Variants in LRP2 observed in about 807,000 individuals in gnomAD.
LRP2 encodes LDL receptor related protein 2.
LRP2 carries 172 observed loss-of-function variants against 531.0 expected under a neutral mutation model. The observed-to-expected ratio is 0.32, with a 90% CI of 0.29 to 0.37. The LOEUF is 0.37. Among genes scored for constraint, LRP2 ranks in the 10% least tolerant of loss-of-function variants. The pLI is 1.00. For missense variants in LRP2, 5,167 were observed against 5,868.3 expected (o/e 0.88, Z 3.90); for synonymous variants, 1,992 against 2,027.6 (o/e 0.98, Z 0.47).
intron 15 of LRP2, among the ~76,000 whole-genome samples, chr2:169,272,597 A>T (rs915487915): frequency 6.6e-6 from 1 of 152,154 alleles, no homozygotes; most frequent in African/African-American, 2.4e-5. Flanking sequence ...AAAGAGCTCA[A>T]AGTTCAACCA....
chr2:169,286,186 T>A (rs758707699), intron 9 of LRP2, among the ~76,000 whole-genome samples: 3 of 152,188 alleles, frequency 2.0e-5, no homozygotes, highest in Non-Finnish European at 4.4e-5. Context: ...CAGAGGCAAA[T>A]GACACATTCT....
chr2:169,216,280 G>T lies in LRP2; in HGVS notation c.5799C>A (p.Leu1933=). 6 of 1,613,574 alleles carry T rather than the reference G, an allele frequency of 3.7e-6. No homozygotes were observed. Among genetic ancestry groups the T allele is most frequent in the Non-Finnish European group, 4.2e-6 (5 of 1,179,622 alleles). ...CVTLDIEEQK[L]YWAVTGRGVI... ...CTCCTCTTCCAGTGACTGCCCAGTA[G>T]AGTTTCTGCTCTTCGATGTCAAGAG... The change falls in exon 35 of 79, where the codon CTC becomes CTA. Residue 1933 remains leucine (L), a synonymous_variant. Coordinates refer to ENST00000649046, the MANE Select transcript of LRP2 (RefSeq NM_004525.3).
In LRP2 at chr2:169,273,407, T is replaced by C. The variant is rs139744684; in HGVS notation, c.1976-340A>G. ...AGAAAACCCACACTTCACTGCTTTT[T>C]TGCCATTTGTAGGATATAATAAATA... On this transcript the variant is annotated intron_variant, in intron 14 of 78. Transcript: ENST00000649046. 2.0e-5 allele frequency among the ~76,000 whole-genome samples: 3 copies of C among 152,296 alleles called. No individual in the cohort carries two copies. In the East Asian group the frequency reaches 5.8e-4, roughly 29 times the overall value.
intron 73 of LRP2, 36 bp from the exon 74 acceptor site, chr2:169,139,407 T>C (rs764052062): frequency 1.1e-5 from 17 of 1,613,940 alleles, no homozygotes; most frequent in Non-Finnish European, 1.4e-5. Context: ...CATCAACACA[T>C]GGGAGCCCGC....
chr2:169,234,646 G>A (rs1043348625), intron 29 of LRP2, among the ~76,000 whole-genome samples: 4 of 152,084 alleles, frequency 2.6e-5, no homozygotes, highest in Non-Finnish European at 5.9e-5. Context: ...ACCCAGTAAT[G>A]GGATTGCTGG....
chr2:169,147,106 G>A, intron 68 of LRP2, 147 bp from the exon 69 acceptor site: 3 of 694,078 alleles, frequency 4.3e-6, no homozygotes, highest in Admixed American at 4.5e-5. Flanking sequence ...TTTTACAGAA[G>A]ATGGGGAGCA....
In LRP2 at chr2:169,337,511, GTGCAA is replaced by G. The variant is rs201559663; in HGVS notation, c.80-16632_80-16628del. Reference sequence around the variant, plus strand: ...AGAATTTGGTGACATCTCTGGATCAGTGCAATGTATTTTAGATTAATCTGGACTGA... The same window carrying G: ...AGAATTTGGTGACATCTCTGGATCAGTGTATTTTAGATTAATCTGGACTGA... On this transcript the variant is annotated intron_variant, in intron 1 of 78. Coordinates refer to ENST00000649046, the MANE Select transcript of LRP2 (RefSeq NM_004525.3). 7.0e-3 allele frequency among the ~76,000 whole-genome samples: 1,063 copies of G among 152,278 alleles called. 8 individuals are homozygous for G. Among genetic ancestry groups the G allele is most frequent in the African/African-American group, 0.024 (1,008 of 41,550 alleles).
Position 169,204,290 on chromosome 2 carries a change from A to T in LRP2, c.7716-19T>A. Reference sequence around the variant, plus strand: ...CCTCTGCCTAAAATGAAGCAAAAAAAAATTTAGAAGTTGAAATCTCAAGTG... The same window carrying T: ...CCTCTGCCTAAAATGAAGCAAAAAATAATTTAGAAGTTGAAATCTCAAGTG... On this transcript the variant is annotated intron_variant, in intron 41 of 78. Transcript: ENST00000649046. 1 of 1,607,780 alleles carries T rather than the reference A, an allele frequency of 6.2e-7. No individual in the cohort carries two copies. Among genetic ancestry groups the T allele is most frequent in the Non-Finnish European group, 8.5e-7 (1 of 1,179,800 alleles).
At chr2:169,279,975 G>A (rs1043465825) in intron 11 of LRP2, among the ~76,000 whole-genome samples, 8 of 152,166 alleles carry the variant, frequency 5.3e-5, no homozygotes, top group Middle Eastern at 3.2e-3. Flanking sequence ...TTTAGAAGAT[G>A]CAGGTAAAAA....
intron 34 of LRP2, among the ~76,000 whole-genome samples, chr2:169,219,537 A>G (rs1688913142): frequency 6.6e-6 from 1 of 152,128 alleles, no homozygotes; most frequent in Non-Finnish European, 1.5e-5. Context: ...ATTTTTCTAA[A>G]ACACAAATTT....
At chr2:169,235,731 G>A in intron 29 of LRP2, 109 bp downstream of exon 29, 3 of 822,008 alleles carry the variant, frequency 3.6e-6, no homozygotes, top group Non-Finnish European at 6.1e-6. Flanking sequence ...GGATTGATCT[G>A]ACAATGTCTA....
intron 1 of LRP2, among the ~76,000 whole-genome samples, chr2:169,358,009 G>T (rs1686038073): frequency 6.6e-6 from 1 of 152,202 alleles, no homozygotes; most frequent in Non-Finnish European, 1.5e-5. Flanking sequence ...CATGGCATCA[G>T]TTCTGGACCA....
intron 16 of LRP2, among the ~76,000 whole-genome samples, chr2:169,261,776 G>A (rs937169233): frequency 6.6e-6 from 1 of 152,012 alleles, no homozygotes; most frequent in African/African-American, 2.4e-5. Flanking sequence ...CCAAAGCCAG[G>A]CAGAGACACA....
At chr2:169,306,182 T>A (rs2105490390) in intron 4 of LRP2, among the ~76,000 whole-genome samples, 1 of 151,908 alleles carries the variant, frequency 6.6e-6, no homozygotes, top group African/African-American at 2.4e-5. Flanking sequence ...ATATATATAT[T>A]AAAAACTCAA....
At chr2:169,349,781 G>T (rs764925480) in intron 1 of LRP2, among the ~76,000 whole-genome samples, 12 of 152,174 alleles carry the variant, frequency 7.9e-5, no homozygotes, top group Non-Finnish European at 1.6e-4. Flanking sequence ...ACCAACAGCT[G>T]CCAGAGTTCA....
intron 17 of LRP2, among the ~76,000 whole-genome samples, 183 bp downstream of exon 17, chr2:169,258,841 AT>A (rs770436095): frequency 7.9e-5 from 12 of 151,886 alleles, no homozygotes; most frequent in Non-Finnish European, 1.8e-4. Context: ...TTTAAAAACA[AT>A]TTTTTTTACT....
rs185667094 is a variant in LRP2 at position 169,329,526 on chromosome 2, G to T, written c.80-8642C>A. On this transcript the variant is annotated intron_variant, in intron 1 of 78. Transcript: ENST00000649046. ...AGCTTTCAGTGCCAAGCCAAAGAGTGCCTGTCAAATGAGTATGAGGGTGAT... is the reference window on the plus strand; with the variant it reads ...AGCTTTCAGTGCCAAGCCAAAGAGTTCCTGTCAAATGAGTATGAGGGTGAT... Among the ~76,000 whole-genome samples the T allele has an allele frequency of 1.2e-4, 18 of 152,320 alleles. No individual in the cohort carries two copies. The East Asian group carries it at 3.5e-3, about 29-fold the overall frequency.
intron 54 of LRP2, 41 bp from the exon 55 acceptor site, chr2:169,175,430 G>C (rs781257951): frequency 6.3e-7 from 1 of 1,579,308 alleles, no homozygotes; most frequent in African/African-American, 1.3e-5. Flanking sequence ...CAAAGCACCA[G>C]GGGCAACAGT....
chr2:169,207,429 T>C (rs1688436819), intron 38 of LRP2, among the ~76,000 whole-genome samples, 179 bp from the exon 39 acceptor site: 1 of 152,224 alleles, frequency 6.6e-6, no homozygotes, highest in Non-Finnish European at 1.5e-5. Flanking sequence ...CTCCTAGGAA[T>C]TATAGAGATT....
Sources: gnomAD v4.1 joint callset for allele counts (sites outside exome capture counted in the v4.1 genomes callset) on GRCh38, gnomAD v4.1.1 for gene constraint, MANE v1.5 for transcripts, NCBI Gene and HGNC (gene_info 2026-07-23, HGNC 2026-07-21) for gene names.